The following MFN2 variants were observed in gnomAD, a reference collection of about 807,000 sequenced individuals.
MFN2 encodes mitofusin 2, also known as mitofusin-2.
MFN2 carries 43 observed loss-of-function variants against 87.5 expected under a neutral mutation model. That is an observed-to-expected ratio of 0.49 (90% confidence interval 0.38 to 0.63). MFN2 has a LOEUF of 0.63. Ranked by LOEUF, MFN2 falls within the 30% of genes least tolerant of loss-of-function variation. The pLI is 0.00. For synonymous variants in MFN2, 337 were observed against 359.9 expected (o/e 0.94, Z 0.72); for missense variants, 743 against 972.8 (o/e 0.76, Z 3.14).
In MFN2 at chr1:12,003,924, G is replaced by A; in HGVS notation, c.1161-68G>A. ...CGGGCAGGGCGGCGTGGGATTTCTG[G>A]CATCCCCTCTTGCTCCTCTGCTTAG... On this transcript the variant is annotated intron_variant, in intron 11 of 18. Transcript: ENST00000235329. The surrounding 1 kb of genome is among the most constrained non-coding windows in gnomAD (Gnocchi z 4.1). 6.2e-7 allele frequency: 1 copy of A among 1,605,352 alleles called. No homozygotes were observed. The highest frequency in any genetic ancestry group is 8.5e-7 in the Non-Finnish European group (1 of 1,173,022).
At chr1:12,000,812 A>G (rs17037564) in intron 8 of MFN2, among the ~76,000 whole-genome samples, 11,401 of 152,162 alleles carry the variant, frequency 0.075, 534 homozygotes, top group East Asian at 0.13. Context: ...GGGCACCAAA[A>G]TGAGGCACTA....
chr1:11,985,866 C>G (rs2336383), intron 2 of MFN2, among the ~76,000 whole-genome samples: 152,294 of 152,348 alleles, frequency 1, 76,120 homozygotes, highest in Middle Eastern at 1. Flanking sequence ...TGGCAAGCCT[C>G]ATTTCAGCGC....
chr1:11,989,431 C>A, intron 3 of MFN2, 88 bp downstream of exon 3: 1 of 1,457,134 alleles, frequency 6.9e-7, no homozygotes, highest in Non-Finnish European at 9.4e-7. Flanking sequence ...TATATCTCTG[C>A]TCCCAGGGAA....
rs142848213 is a variant in MFN2 at position 12,004,553 on chromosome 1, G to A, written c.1332G>A (p.Leu444=). ...AGGAGATCAGGCGCCTCTCTGTACT[G>A]GTGGACGATTACCAGATGGACTTCC... ...MAEEIRRLSV[L]VDDYQMDFHP... Residue 444 remains leucine (L), a synonymous_variant, in exon 13 of 19, where the codon CTG becomes CTA. Coordinates refer to ENST00000235329, the MANE Select transcript of MFN2 (RefSeq NM_014874.4). This position sits in a 1 kb window ranked among gnomAD's most constrained non-coding sequence, Gnocchi z 4.2. The A allele has an allele frequency of 9.3e-6, 15 of 1,614,146 alleles. No individual in the cohort carries two copies. In the East Asian group the frequency reaches 3.3e-4, roughly 36 times the overall value.
At chr1:11,997,183 A>C (rs1033647798) in intron 5 of MFN2, 114 bp from the exon 6 acceptor site, 1 of 1,504,428 alleles carries the variant, frequency 6.6e-7, no homozygotes, top group Non-Finnish European at 9.1e-7. Context: ...TGGAAGAAGA[A>C]AGGGTAGCAG....
At chr1:12,009,494 A>G in intron 17 of MFN2, 98 bp from the exon 18 acceptor site, 1 of 1,549,462 alleles carries the variant, frequency 6.5e-7, no homozygotes, top group South Asian at 1.1e-5. Context: ...TGGCAGGGAT[A>G]TAGACAGGCC....
At chr1:11,998,948 G>A in intron 7 of MFN2, 40 bp from the exon 8 acceptor site, 1 of 1,612,636 alleles carries the variant, frequency 6.2e-7, no homozygotes, top group Non-Finnish European at 8.5e-7. Flanking sequence ...GGCCTTGGCT[G>A]TCAAGCTCCT....
At position 12,011,690 on chromosome 1, in the gene MFN2, AGTCTCGTACCATTTT is replaced by A; in HGVS notation, c.*127_*141del. 1.0e-6 allele frequency: 1 copy of A among 985,362 alleles called. No individual in the cohort carries two copies. The highest frequency in any genetic ancestry group is 1.6e-6 in the Non-Finnish European group (1 of 630,640). 61.0% of individuals were successfully genotyped at this position (985,362 alleles called of 1,614,324 possible). A position where few individuals can be genotyped will look rare whatever the true frequency, so the allele number is the denominator to read the frequency against. On this transcript the variant is annotated 3_prime_UTR_variant, in exon 19 of 19. Transcript: ENST00000235329. ...CCACTGCCAAGAGAATGAAGCACCC[AGTCTCGTACCATTTT>A]GAGCCCTCCAGCACTACTTATTTTC... is the stretch of plus-strand genomic sequence containing the variant.
At chr1:11,986,125 C>T (rs1030969695) in intron 2 of MFN2, among the ~76,000 whole-genome samples, 7 of 152,150 alleles carry the variant, frequency 4.6e-5, no homozygotes, top group Admixed American at 2.0e-4. Context: ...GTCCCTATCC[C>T]GCTTTGGGTC....
chr1:11,983,736 G>A (rs1420666814), intron 2 of MFN2, among the ~76,000 whole-genome samples: 2 of 152,206 alleles, frequency 1.3e-5, no homozygotes, highest in Non-Finnish European at 2.9e-5. Context: ...GGGAACACAG[G>A]ATGTGATAAA....
Position 11,985,902 on chromosome 1 carries a change from T to A in MFN2, c.-4-3263T>A, listed in dbSNP as rs55801828. On this transcript the variant is annotated intron_variant, in intron 2 of 18. Coordinates refer to ENST00000235329, the MANE Select transcript of MFN2 (RefSeq NM_014874.4). The stretch of plus-strand genomic sequence containing the variant: ...ACTCTCCTTTGCTGCTTTGGAAGAG[T>A]GAGAGTAGCATTTTCTTTGCAGTTT... Among the ~76,000 whole-genome samples the A allele has an allele frequency of 3.1e-3, 475 of 152,238 alleles. 1 individual carries two copies. The highest frequency in any genetic ancestry group is 0.011 in the African/African-American group (451 of 41,544).
At chr1:12,011,304 G>A (rs1368489215) in intron 18 of MFN2, among the ~76,000 whole-genome samples, 192 bp from the exon 19 acceptor site, 1 of 152,212 alleles carries the variant, frequency 6.6e-6, no homozygotes, top group African/African-American at 2.4e-5. Flanking sequence ...TGGCTTATTA[G>A]CCGTGTGGCC....
At chr1:11,995,065 G>A (rs1638850979) in intron 4 of MFN2, among the ~76,000 whole-genome samples, 1 of 151,798 alleles carries the variant, frequency 6.6e-6, no homozygotes, top group South Asian at 2.1e-4. Flanking sequence ...AACATGGCAA[G>A]ACCCCATCTC....
chr1:11,989,188 G>A lies in MFN2; in HGVS notation c.20G>A (p.Arg7Gln). 1.9e-6 allele frequency: 3 copies of A among 1,614,064 alleles called. No individual in the cohort carries two copies. The highest frequency in any genetic ancestry group is 3.3e-4 in the Middle Eastern group (2 of 6,062). The change falls in exon 3 of 19, where the codon CGA becomes CAA. Residue 7 changes from arginine (R) to glutamine (Q), a missense_variant. Physicochemically the swap from Arg to Gln is conservative, Grantham distance 43. Transcript: ENST00000235329. ...AGCGCAATGTCCCTGCTCTTCTCTC[G>A]ATGCAACTCTATCGTCACAGTCAAG... MSLLFS[R>Q]CNSIVTVKKN...
intron 17 of MFN2, among the ~76,000 whole-genome samples, chr1:12,008,384 C>T (rs1210653334): frequency 6.9e-6 from 1 of 144,450 alleles, no homozygotes; most frequent in Non-Finnish European, 1.5e-5. Flanking sequence ...GGCGCCCCCA[C>T]CTCCCTCCCG....
intron 2 of MFN2, among the ~76,000 whole-genome samples, chr1:11,988,403 G>GT (rs761186739): frequency 0.59 from 81,847 of 137,816 alleles, 24,660 homozygotes; most frequent in African/African-American, 0.73. Context: ...ATGCCTGGCT[G>GT]TTTTTTTTTT....
intron 6 of MFN2, 112 bp downstream of exon 6, chr1:11,997,533 A>G: frequency 6.9e-7 from 1 of 1,448,940 alleles, no homozygotes; most frequent in Non-Finnish European, 9.6e-7. Flanking sequence ...CTTAAGTATT[A>G]CTACCTTTCA....
rs1639380081 is a variant in MFN2 at position 12,005,745 on chromosome 1, G to A, written c.1530G>A (p.Arg510=). The change falls in exon 15 of 19, where the codon CGG becomes CGA. Residue 510 remains arginine (R), a synonymous_variant. Coordinates refer to ENST00000235329, the MANE Select transcript of MFN2 (RefSeq NM_014874.4). ...AACCCCTCCTTCCTGTGTCTGTGCG[G>A]AGTCAGATAGACATGCTGGTCCCAC... ...GLKPLLPVSV[R]SQIDMLVPRQ... is the part of the protein sequence containing the mutation. 1 of 1,614,212 alleles carries A rather than the reference G, an allele frequency of 6.2e-7. No homozygotes were observed. Among genetic ancestry groups the A allele is most frequent in the Non-Finnish European group, 8.5e-7 (1 of 1,180,038 alleles).
chr1:12,006,924 A>G (rs1639448293), intron 16 of MFN2, 129 bp from the exon 17 acceptor site: 2 of 1,334,162 alleles, frequency 1.5e-6, no homozygotes, highest in Non-Finnish European at 2.1e-6. Context: ...AGACATTGAA[A>G]GAGGAACTCA....
Sources: gnomAD v4.1 joint callset for allele counts (sites outside exome capture counted in the v4.1 genomes callset) on GRCh38, gnomAD v4.1.1 for gene constraint, Gnocchi (gnomAD v3.1) non-coding constraint, MANE v1.5 for transcripts, NCBI Gene and HGNC (gene_info 2026-07-23, HGNC 2026-07-21) for gene names.